The following SYNGR1 variants were observed in gnomAD, a reference collection of about 807,000 sequenced individuals.
SYNGR1 encodes synaptogyrin-1.
Under a neutral mutation model 26.1 loss-of-function variants are expected in SYNGR1, and 14 were observed. That is an observed-to-expected ratio of 0.54 (90% CI 0.35 to 0.84). SYNGR1 has a LOEUF of 0.84. Among genes scored for constraint, SYNGR1 ranks in the 40% least tolerant of loss-of-function variants. SYNGR1 has a pLI of 0.01. For missense variants in SYNGR1, 319 were observed against 332.9 expected (o/e 0.96, Z 0.33); for synonymous variants, 141 against 150.1 (o/e 0.94, Z 0.44).
intron 3 of SYNGR1, among the ~76,000 whole-genome samples, chr22:39,379,003 C>G (rs1057223472): frequency 6.6e-5 from 10 of 152,228 alleles, no homozygotes; most frequent in Non-Finnish European, 1.2e-4. Flanking sequence ...TACAGGAAAC[C>G]AGCCTGGATA....
At position 39,358,297 on chromosome 22, in the gene SYNGR1, G is replaced by A. The variant is rs867926818; in HGVS notation, c.99+8188G>A. On this transcript the variant is annotated intron_variant, in intron 1 of 3. Coordinates refer to ENST00000328933, the MANE Select transcript of SYNGR1 (RefSeq NM_004711.5). Reference sequence around the variant, plus strand: ...AGGGATTGTAAACGCACCAATCAGCGCCCTGTCAAAACAGGCCACTCGGCT... The same window carrying A: ...AGGGATTGTAAACGCACCAATCAGCACCCTGTCAAAACAGGCCACTCGGCT... Among the ~76,000 whole-genome samples the A allele has an allele frequency of 9.0e-4, 137 of 152,164 alleles. No individual in the cohort carries two copies. The Middle Eastern group carries it at 0.024, about 26-fold the overall frequency.
At chr22:39,363,760 G>A (rs1924600825) in intron 1 of SYNGR1, among the ~76,000 whole-genome samples, 1 of 152,096 alleles carries the variant, frequency 6.6e-6, no homozygotes, top group Admixed American at 6.5e-5. Flanking sequence ...CCTGGACATG[G>A]GCAGGGGCCA....
Position 39,376,034 on chromosome 22 carries a change from G to A in SYNGR1, c.338-18G>A, listed in dbSNP as rs761978635. The A allele has an allele frequency of 5.0e-6, 8 of 1,614,054 alleles. No homozygotes were observed. Among genetic ancestry groups the A allele is most frequent in the East Asian group, 2.2e-5 (1 of 44,862 alleles). ...ATGTGTGGCACTGCCTATTCTGCCC[G>A]GTCCTGGGACCCCCCAGCCTTCTGG... On this transcript the variant is annotated intron_variant, in intron 2 of 3. Coordinates refer to ENST00000328933, the MANE Select transcript of SYNGR1 (RefSeq NM_004711.5).
intron 1 of SYNGR1, among the ~76,000 whole-genome samples, chr22:39,358,651 G>A (rs184707383): frequency 1.4e-4 from 22 of 152,204 alleles, no homozygotes; most frequent in Non-Finnish European, 1.2e-4. Flanking sequence ...CCCACCAGAA[G>A]GATGAAACTC....
rs1286086073 is a variant in SYNGR1 at position 39,374,811 on chromosome 22, C to CTAGT, written c.337+258_337+259insTAGT. Reference sequence around the variant, plus strand: ...TCTAGTTCCTTCTAGTCTAAGGGACCCATGGATGGCACTGGGCATGTGCCA... The same window carrying CTAGT: ...TCTAGTTCCTTCTAGTCTAAGGGACCTAGTCATGGATGGCACTGGGCATGTGCCA... On this transcript the variant is annotated intron_variant, in intron 2 of 3. Coordinates refer to ENST00000328933, the MANE Select transcript of SYNGR1 (RefSeq NM_004711.5). 1.1e-4 allele frequency: 63 copies of CTAGT among 552,752 alleles called. No homozygotes were observed. In the Admixed American group the frequency reaches 1.8e-3, roughly 16 times the overall value. 34.2% of individuals were successfully genotyped at this position (552,752 alleles called of 1,614,324 possible).
At chr22:39,363,242 TG>T (rs1924572766) in intron 1 of SYNGR1, among the ~76,000 whole-genome samples, 1 of 138,646 alleles carries the variant, frequency 7.2e-6, no homozygotes, top group Non-Finnish European at 1.5e-5. Context: ...GGTCTTTACC[TG>T]GGCAGGGGGC....
At chr22:39,372,246 T>G (rs1265039538) in intron 1 of SYNGR1, among the ~76,000 whole-genome samples, 1 of 149,984 alleles carries the variant, frequency 6.7e-6, no homozygotes, top group Non-Finnish European at 1.5e-5. Context: ...ATTCTCCTGC[T>G]TCAGCCTCCA....
intron 1 of SYNGR1, among the ~76,000 whole-genome samples, 188 bp from the exon 2 acceptor site, chr22:39,374,128 C>T (rs1925155760): frequency 1.3e-5 from 2 of 152,164 alleles, no homozygotes; most frequent in Non-Finnish European, 2.9e-5. Context: ...TTGACCCCCA[C>T]CTGGTGCTAT....
intron 1 of SYNGR1, among the ~76,000 whole-genome samples, chr22:39,357,290 G>A (rs1924185754): frequency 6.6e-6 from 1 of 152,000 alleles, no homozygotes; most frequent in Non-Finnish European, 1.5e-5. Context: ...GATGTTTGGA[G>A]CCATCCCCTC....
At chr22:39,377,961 C>A in intron 3 of SYNGR1, 2 of 1,291,114 alleles carry the variant, frequency 1.5e-6, no homozygotes, top group Non-Finnish European at 2.0e-6. Context: ...GCTCCAGGAG[C>A]CCACAGGCTG....
rs1415144164 is a variant in SYNGR1, at chr22:39,385,131, A to G, written c.*3217A>G. ...CCTGGGAGACCCCTAACCTTGGCCC[A>G]AGACCCCTTTGATTCTCTAAGGAGC... On this transcript the variant is annotated 3_prime_UTR_variant, in exon 4 of 4. Transcript: ENST00000328933. 2.5e-6 allele frequency: 1 copy of G among 397,414 alleles called. No homozygotes were observed. The highest frequency in any genetic ancestry group is 4.4e-6 in the Non-Finnish European group (1 of 225,584). 24.6% of individuals were successfully genotyped at this position (397,414 alleles called of 1,614,324 possible).
chr22:39,378,372 T>G (rs540229155), intron 3 of SYNGR1: 1 of 595,598 alleles, frequency 1.7e-6, no homozygotes, highest in African/African-American at 3.3e-5. Context: ...TAAGCTCTTT[T>G]GTTCATTCAT....
At chr22:39,358,618 T>C (rs1199558332) in intron 1 of SYNGR1, among the ~76,000 whole-genome samples, 5 of 151,736 alleles carry the variant, frequency 3.3e-5, no homozygotes, top group Admixed American at 6.6e-5. Context: ...GTAGCTTCAC[T>C]CCTGAGCCAG....
chr22:39,379,015 T>C (rs1422000238), intron 3 of SYNGR1, among the ~76,000 whole-genome samples: 1 of 152,208 alleles, frequency 6.6e-6, no homozygotes, highest in Non-Finnish European at 1.5e-5. Context: ...GCCTGGATAG[T>C]AGAGCCAGGG....
chr22:39,381,652 AC>A (rs776227498), intron 3 of SYNGR1, 43 bp from the exon 4 acceptor site: 3 of 1,601,546 alleles, frequency 1.9e-6, no homozygotes, highest in Admixed American at 1.7e-5. Flanking sequence ...TCCCCTAACC[AC>A]CCCCTCCCGC....
intron 1 of SYNGR1, among the ~76,000 whole-genome samples, chr22:39,359,978 G>A (rs931536437): frequency 6.6e-6 from 1 of 152,028 alleles, no homozygotes; most frequent in East Asian, 1.9e-4. Flanking sequence ...CTGTGCACTG[G>A]CCCTCACCAC....
chr22:39,382,209 C>T lies in SYNGR1; in HGVS notation c.*295C>T, dbSNP rs988488226. 2.5e-4 allele frequency: 130 copies of T among 519,862 alleles called. No homozygotes were observed. The highest frequency in any genetic ancestry group is 2.2e-3 in the African/African-American group (116 of 52,274). The allele number at this position is 519,862 out of a possible 1,614,324, so 32.2% of individuals were successfully genotyped here. On this transcript the variant is annotated 3_prime_UTR_variant, in exon 4 of 4. Transcript: ENST00000328933. ...CCTTGAGCGCCTACTGGGCATCCGG[C>T]CTGTGCTGGGCATGGGTGGTGACAT...
intron 1 of SYNGR1, among the ~76,000 whole-genome samples, chr22:39,355,218 C>CT (rs1491079417): frequency 6.6e-6 from 1 of 151,904 alleles, no homozygotes; most frequent in Admixed American, 6.6e-5. Context: ...TGGACTTCCT[C>CT]TGAGGGCAGT....
intron 1 of SYNGR1, among the ~76,000 whole-genome samples, chr22:39,358,147 G>T (rs1924262384): frequency 1.3e-5 from 2 of 152,360 alleles, no homozygotes; most frequent in South Asian, 4.1e-4. Context: ...TTAGCTCAAG[G>T]TTTGTGAGTG....
Sources: gnomAD v4.1 joint callset for allele counts (sites outside exome capture counted in the v4.1 genomes callset) on GRCh38, gnomAD v4.1.1 for gene constraint, MANE v1.5 for transcripts, NCBI Gene and HGNC (gene_info 2026-07-23, HGNC 2026-07-21) for gene names.